Variants in VTI1A observed in about 807,000 individuals in gnomAD.
The protein encoded by VTI1A is vesicle transport through interaction with t-SNAREs homolog 1A.
In VTI1A, 22 loss-of-function variants were observed where a neutral mutation model predicts 34.9. The ratio of observed to expected loss-of-function variants is 0.63; its 90% CI spans 0.45 to 0.90. The LOEUF (loss-of-function observed/expected upper bound fraction) is 0.90, where lower values mean the gene tolerates loss of function less well. Among genes scored for constraint, VTI1A ranks in the 40% least tolerant of loss-of-function variants. The probability of loss-of-function intolerance (pLI) is 0.00; values close to 1 mark genes in which losing one functional copy is unlikely to be tolerated. For missense variants in VTI1A, 268 were observed against 275.6 expected (o/e 0.97, Z 0.20); for synonymous variants, 87 against 97.3 (o/e 0.89, Z 0.62).
At chr10:112,599,763 C>T (rs118072186) in intron 5 of VTI1A, among the ~76,000 whole-genome samples, 1,755 of 152,070 alleles carry the variant, frequency 0.012, 17 homozygotes, top group Non-Finnish European at 0.019. Context: ...AATTTTTTGT[C>T]AAGACAGGGT....
intron 3 of VTI1A, among the ~76,000 whole-genome samples, chr10:112,487,015 A>G (rs1005974062): frequency 2.0e-5 from 3 of 152,286 alleles, no homozygotes; most frequent in Middle Eastern, 3.4e-3. Context: ...AGATACTATC[A>G]CTATTTAAAG....
intron 3 of VTI1A, among the ~76,000 whole-genome samples, chr10:112,510,126 T>A (rs1849556764): frequency 6.6e-6 from 1 of 152,218 alleles, no homozygotes; most frequent in African/African-American, 2.4e-5. Flanking sequence ...AGTTAAAGTT[T>A]ACTGGGCACA....
intron 7 of VTI1A, among the ~76,000 whole-genome samples, chr10:112,742,171 A>T (rs1175297704): frequency 6.6e-6 from 1 of 152,230 alleles, no homozygotes; most frequent in African/African-American, 2.4e-5. Flanking sequence ...AGGCACTCTG[A>T]GCTTGACCTG....
intron 5 of VTI1A, among the ~76,000 whole-genome samples, chr10:112,650,021 G>A (rs1338646093): frequency 6.6e-6 from 1 of 152,116 alleles, no homozygotes; most frequent in Non-Finnish European, 1.5e-5. Flanking sequence ...TGGACACTTT[G>A]ACTACACTAA....
intron 7 of VTI1A, among the ~76,000 whole-genome samples, chr10:112,790,581 C>T (rs1852428405): frequency 6.6e-6 from 1 of 152,124 alleles, no homozygotes; most frequent in Admixed American, 6.5e-5. Context: ...CTGGGTTTTG[C>T]CCTCTGCTCC....
At chr10:112,679,203 G>A (rs893301712) in intron 7 of VTI1A, among the ~76,000 whole-genome samples, 3 of 152,106 alleles carry the variant, frequency 2.0e-5, no homozygotes, top group Admixed American at 6.5e-5. Flanking sequence ...AAAGTAAGTG[G>A]CTGGGGATTG....
At chr10:112,455,975 A>G (rs1034349051) in intron 1 of VTI1A, among the ~76,000 whole-genome samples, 6 of 152,222 alleles carry the variant, frequency 3.9e-5, no homozygotes, top group South Asian at 2.1e-4. Flanking sequence ...TCTGTGAGTA[A>G]TAAGTATGTT....
At chr10:112,637,061 A>T (rs1312510986) in intron 5 of VTI1A, among the ~76,000 whole-genome samples, 1 of 152,230 alleles carries the variant, frequency 6.6e-6, no homozygotes, top group Non-Finnish European at 1.5e-5. Context: ...ATTTAACTTA[A>T]ATAATGACAT....
intron 5 of VTI1A, among the ~76,000 whole-genome samples, chr10:112,614,904 AT>A (rs968907309): frequency 1.3e-4 from 20 of 151,688 alleles, no homozygotes; most frequent in Middle Eastern, 3.4e-3. Flanking sequence ...ATGTGCCGTT[AT>A]TTTTTTTTCT....
rs1470745612 is a variant in VTI1A, at chr10:112,699,289, C to G, written c.560+30291C>G. ...CAGACGGTGTGGCTTAAGCAAGGGA[C>G]ATTTGTTTCTCACAGTTCTGGAGGT... On this transcript the variant is annotated intron_variant, in intron 7 of 7. Coordinates refer to ENST00000393077, the MANE Select transcript of VTI1A (RefSeq NM_145206.4). Among the ~76,000 whole-genome samples the G allele has an allele frequency of 3.9e-5, 6 of 152,298 alleles. No homozygotes were observed. The East Asian group carries it at 7.7e-4, about 20-fold the overall frequency.
chr10:112,802,541 G>C (rs1209832115), intron 7 of VTI1A, among the ~76,000 whole-genome samples: 1 of 152,322 alleles, frequency 6.6e-6, no homozygotes, highest in East Asian at 1.9e-4. Context: ...CTGGCCTGGA[G>C]TAAAGCCCAG....
At chr10:112,575,082 T>C (rs2134377870) in intron 5 of VTI1A, among the ~76,000 whole-genome samples, 1 of 152,366 alleles carries the variant, frequency 6.6e-6, no homozygotes, top group Non-Finnish European at 1.5e-5. Context: ...TGTAGTTTGC[T>C]TCACTAGCAT....
At chr10:112,742,716 G>T (rs1252451272) in intron 7 of VTI1A, among the ~76,000 whole-genome samples, 2 of 152,094 alleles carry the variant, frequency 1.3e-5, no homozygotes, top group Non-Finnish European at 2.9e-5. Flanking sequence ...TGGCATCTCT[G>T]TTCTATGATC....
In VTI1A at chr10:112,737,024, C is replaced by T. The variant is rs1850506187; in HGVS notation, c.560+68026C>T. ...CAGAGCTTTATGATTCTGTAATAAT[C>T]AAGGGAGAAACCCATTACATAGTGG... On this transcript the variant is annotated intron_variant, in intron 7 of 7. Transcript: ENST00000393077. 4 of 521,958 alleles carry T rather than the reference C, an allele frequency of 7.7e-6. No homozygotes were observed. In the East Asian group the frequency reaches 1.2e-4, roughly 15 times the overall value. The allele number at this position is 521,958 out of a possible 1,614,324, so 32.3% of individuals were successfully genotyped here.
At chr10:112,515,898 G>A (rs894137674) in intron 3 of VTI1A, among the ~76,000 whole-genome samples, 1 of 152,040 alleles carries the variant, frequency 6.6e-6, no homozygotes, top group African/African-American at 2.4e-5. Context: ...CAAGATGTGC[G>A]ATCTATAGTA....
chr10:112,460,276 A>G (rs889520434), intron 1 of VTI1A, among the ~76,000 whole-genome samples: 22 of 152,152 alleles, frequency 1.4e-4, no homozygotes, highest in Admixed American at 4.6e-4. Context: ...AGTCTCTCTT[A>G]AAAATAGGTC....
intron 7 of VTI1A, among the ~76,000 whole-genome samples, chr10:112,739,298 T>A (rs1258220991): frequency 6.6e-6 from 1 of 152,154 alleles, no homozygotes; most frequent in African/African-American, 2.4e-5. Flanking sequence ...CAGCTCAAAG[T>A]AATGAGAAAA....
At chr10:112,470,711 G>A (rs745452503) in intron 3 of VTI1A, among the ~76,000 whole-genome samples, 5 of 152,118 alleles carry the variant, frequency 3.3e-5, no homozygotes, top group African/African-American at 7.2e-5. Context: ...GGCCAACATG[G>A]TGAAACCCCA....
intron 7 of VTI1A, chr10:112,736,755 C>G (rs190056518): frequency 1.3e-6 from 2 of 1,548,110 alleles, no homozygotes; most frequent in Admixed American, 3.9e-5. Flanking sequence ...TGTAACCTGT[C>G]TCTGGCCCCA....
Sources: allele counts gnomAD v4.1 joint callset (sites outside exome capture counted in the v4.1 genomes callset), GRCh38; gene constraint gnomAD v4.1.1; transcripts MANE v1.5; gene names NCBI Gene and HGNC (gene_info 2026-07-23, HGNC 2026-07-21).